The following VSNL1 variants were observed in gnomAD, a reference collection of about 807,000 sequenced individuals.
VSNL1 encodes visinin like 1.
In VSNL1, 6 loss-of-function variants were observed where a neutral mutation model predicts 20.4. That is an observed-to-expected ratio of 0.29 (90% CI 0.16 to 0.58). The LOEUF is 0.58. Ranked by LOEUF, VSNL1 falls within the 20% of genes least tolerant of loss-of-function variation. VSNL1 has a pLI of 0.90. For missense variants in VSNL1, 100 were observed against 234.5 expected, an observed-to-expected ratio of 0.43 and a Z score of 3.75; for synonymous variants, 93 against 86.4, an observed-to-expected ratio of 1.08 and a Z score of -0.42.
At position 17,656,952 on chromosome 2, in the gene VSNL1, CCGAA is replaced by C. The variant is rs1666245433; in HGVS notation, c.*1559_*1562del. On this transcript the variant is annotated 3_prime_UTR_variant, in exon 4 of 4. Coordinates refer to ENST00000295156, the MANE Select transcript of VSNL1 (RefSeq NM_003385.5). The stretch of plus-strand genomic sequence containing the variant: ...TACTTTTTATCAAATTCGTTTTTTA[CCGAA>C]TTCGTTTTTTACCATTCTTTATTTG... The C allele has an allele frequency of 2.0e-5, 3 of 152,124 alleles. No homozygotes were observed. Among genetic ancestry groups the C allele is most frequent in the Non-Finnish European group, 4.4e-5 (3 of 68,018 alleles). The allele number at this position is 152,124 out of a possible 1,614,324, so 9.4% of individuals were successfully genotyped here.
intron 1 of VSNL1, among the ~76,000 whole-genome samples, chr2:17,544,280 G>A (rs1226924295): frequency 6.6e-6 from 1 of 152,148 alleles, no homozygotes; most frequent in African/African-American, 2.4e-5. Context: ...CTCTGTCTTG[G>A]ATGGAGTCTG....
intron 1 of VSNL1, among the ~76,000 whole-genome samples, chr2:17,578,000 G>T (rs796524905): frequency 5.9e-5 from 9 of 152,134 alleles, no homozygotes; most frequent in African/African-American, 2.2e-4. Flanking sequence ...TTCATAAAAC[G>T]GTTGTAAAGA....
At chr2:17,584,721 A>T (rs1423338171) in intron 1 of VSNL1, among the ~76,000 whole-genome samples, 2 of 152,152 alleles carry the variant, frequency 1.3e-5, no homozygotes, top group African/African-American at 4.8e-5. Context: ...AGAAGACATG[A>T]TTCTGAAGGG....
At chr2:17,626,994 T>G (rs1665525337) in intron 2 of VSNL1, among the ~76,000 whole-genome samples, 1 of 152,156 alleles carries the variant, frequency 6.6e-6, no homozygotes, top group East Asian at 1.9e-4. Flanking sequence ...ATCAAAGCAA[T>G]AAAGGACTAT....
chr2:17,635,957 T>C (rs1023974294), intron 2 of VSNL1, among the ~76,000 whole-genome samples: 4 of 151,828 alleles, frequency 2.6e-5, no homozygotes, highest in African/African-American at 9.7e-5. Flanking sequence ...CCCTCACTCA[T>C]TCCTCAAGCC....
chr2:17,599,793 TGA>T (rs1364222500), intron 2 of VSNL1, among the ~76,000 whole-genome samples: 1 of 152,170 alleles, frequency 6.6e-6, no homozygotes, highest in East Asian at 1.9e-4. Flanking sequence ...TACAAAGTGG[TGA>T]GTGGAGACAA....
intron 1 of VSNL1, among the ~76,000 whole-genome samples, chr2:17,576,454 T>C (rs1444339705): frequency 6.6e-6 from 1 of 152,216 alleles, no homozygotes; most frequent in African/African-American, 2.4e-5. Flanking sequence ...TATTTAATTA[T>C]TTATTTCTAG....
chr2:17,616,494 G>A (rs754569646), intron 2 of VSNL1, among the ~76,000 whole-genome samples: 4 of 152,228 alleles, frequency 2.6e-5, no homozygotes, highest in Non-Finnish European at 5.9e-5. Context: ...AGAAGAGGTA[G>A]AATAGAGTGT....
intron 2 of VSNL1, among the ~76,000 whole-genome samples, chr2:17,617,431 G>A (rs188877949): frequency 1.4e-4 from 22 of 152,198 alleles, no homozygotes; most frequent in Admixed American, 7.8e-4. Flanking sequence ...GGGAAGCAGA[G>A]GTTGTAGTGA....
intron 2 of VSNL1, among the ~76,000 whole-genome samples, chr2:17,628,528 T>C (rs1270896703): frequency 1.3e-5 from 2 of 152,146 alleles, no homozygotes; most frequent in African/African-American, 4.8e-5. Flanking sequence ...GTGGTTTAAG[T>C]CCAGAGTTGT....
intron 1 of VSNL1, among the ~76,000 whole-genome samples, chr2:17,558,401 T>A (rs1482245444): frequency 1.3e-5 from 2 of 152,242 alleles, no homozygotes; most frequent in East Asian, 3.8e-4. Flanking sequence ...TGTCATTTGA[T>A]GCCTGGCCTT....
intron 2 of VSNL1, among the ~76,000 whole-genome samples, chr2:17,637,944 G>A (rs1418565543): frequency 1.3e-5 from 2 of 152,180 alleles, no homozygotes; most frequent in Non-Finnish European, 2.9e-5. Flanking sequence ...GGATAATGCT[G>A]AGCGGTCAAG....
At chr2:17,621,548 T>C (rs1665359045) in intron 2 of VSNL1, among the ~76,000 whole-genome samples, 1 of 152,214 alleles carries the variant, frequency 6.6e-6, no homozygotes. Flanking sequence ...GGTCTCGAAC[T>C]CCTGACCTCA....
chr2:17,622,544 GAAA>G (rs769178997), intron 2 of VSNL1, among the ~76,000 whole-genome samples: 1,061 of 58,070 alleles, frequency 0.018, 24 homozygotes, highest in Middle Eastern at 0.049. Flanking sequence ...AAGAAAGAAA[GAAA>G]GAAAGAAAGA....
intron 1 of VSNL1, among the ~76,000 whole-genome samples, chr2:17,560,320 G>A (rs1290559689): frequency 1.3e-5 from 2 of 151,812 alleles, no homozygotes; most frequent in East Asian, 3.9e-4. Context: ...CTCAAGATTA[G>A]AGGTATTTAA....
At chr2:17,650,868 GC>G (rs1208110402) in intron 3 of VSNL1, among the ~76,000 whole-genome samples, 1 of 152,240 alleles carries the variant, frequency 6.6e-6, no homozygotes, top group East Asian at 1.9e-4. Context: ...TATCTTCAAT[GC>G]CCACTCCCTT....
chr2:17,575,526 TTTTTTTTTA>T (rs538394958), intron 1 of VSNL1, among the ~76,000 whole-genome samples: 4 of 151,634 alleles, frequency 2.6e-5, no homozygotes, highest in South Asian at 2.1e-4. Flanking sequence ...CACAAATATC[TTTTTTTTTA>T]TTTTTTTTAT....
At chr2:17,575,900 G>A (rs1394882589) in intron 1 of VSNL1, among the ~76,000 whole-genome samples, 3 of 152,132 alleles carry the variant, frequency 2.0e-5, no homozygotes, top group Admixed American at 2.0e-4. Flanking sequence ...TAACCTATAA[G>A]AGATCTCTAT....
intron 1 of VSNL1, among the ~76,000 whole-genome samples, chr2:17,571,405 G>A (rs746476080): frequency 2.0e-5 from 3 of 152,120 alleles, no homozygotes; most frequent in Non-Finnish European, 2.9e-5. Context: ...ACCCTACTGA[G>A]CTCATGAGCA....
Sources: allele counts gnomAD v4.1 joint callset (sites outside exome capture counted in the v4.1 genomes callset), GRCh38; gene constraint gnomAD v4.1.1; transcripts MANE v1.5; gene names NCBI Gene and HGNC (gene_info 2026-07-23, HGNC 2026-07-21).